CD9: variants seen among roughly 807,000 people sequenced by gnomAD.
CD9 encodes the protein CD9 molecule, also known as CD9 antigen.
A neutral mutation model predicts 31.4 loss-of-function variants in CD9; 10 were observed. The observed-to-expected ratio is 0.32, with a 90% CI of 0.20 to 0.54. The LOEUF (loss-of-function observed/expected upper bound fraction) is 0.54, where lower values mean the gene tolerates loss of function less well. Among genes scored for constraint, CD9 ranks in the 20% least tolerant of loss-of-function variants. The probability of loss-of-function intolerance (pLI) is 0.94; values close to 1 mark genes in which losing one functional copy is unlikely to be tolerated. For missense variants in CD9, 259 were observed against 300.1 expected, an observed-to-expected ratio of 0.86 and a Z score of 1.01; for synonymous variants, 113 against 114.1, an observed-to-expected ratio of 0.99 and a Z score of 0.06.
intron 2 of CD9, among the ~76,000 whole-genome samples, chr12:6,231,188 G>A (rs1476739265): frequency 2.6e-5 from 4 of 152,204 alleles, no homozygotes; most frequent in Admixed American, 6.5e-5. Context: ...GGATACAGCA[G>A]CAGGTTAAAA....
intron 1 of CD9, among the ~76,000 whole-genome samples, chr12:6,218,088 G>C (rs372978771): frequency 2.6e-5 from 4 of 152,108 alleles, no homozygotes; most frequent in Admixed American, 6.5e-5. Flanking sequence ...TTAGCTGGGC[G>C]TGGTGGTGCA....
chr12:6,219,775 G>A (rs545577248), intron 1 of CD9, among the ~76,000 whole-genome samples: 2 of 152,368 alleles, frequency 1.3e-5, no homozygotes, highest in East Asian at 3.8e-4. Context: ...AAGAGCCACT[G>A]CGCCTGGCCT....
At chr12:6,214,387 C>T (rs963052171) in intron 1 of CD9, among the ~76,000 whole-genome samples, 8 of 117,384 alleles carry the variant, frequency 6.8e-5, no homozygotes, top group Admixed American at 2.5e-4. Context: ...GTCTCTGTCA[C>T]CCAGGCTGGA....
In CD9 at chr12:6,237,818, A is replaced by G; in HGVS notation, c.677A>G (p.Glu226Gly). 6.2e-7 allele frequency: 1 copy of G among 1,612,230 alleles called. No homozygotes were observed. The highest frequency in any genetic ancestry group is 2.2e-5 in the East Asian group (1 of 44,884). ...ILCCAIRRNR[E>G]MV ...TGCTGTGCTATCCGCAGGAACCGCG[A>G]GATGGTCTAGAGTCAGCTTACATCC... The change falls in exon 8 of 8, where the codon GAG becomes GGG. Residue 226 changes from glutamate (E) to glycine (G), a missense_variant. Glu to Gly is a moderately conservative substitution (Grantham distance 98, BLOSUM62 -2). Transcript: ENST00000009180.
intron 2 of CD9, among the ~76,000 whole-genome samples, chr12:6,227,797 C>A (rs1018613131): frequency 2.6e-5 from 4 of 152,190 alleles, no homozygotes; most frequent in Non-Finnish European, 1.5e-5. Context: ...GCCCCATTGG[C>A]AGGGATGGGG....
At chr12:6,227,204 T>A (rs936686985) in intron 2 of CD9, among the ~76,000 whole-genome samples, 1 of 150,616 alleles carries the variant, frequency 6.6e-6, no homozygotes, top group Non-Finnish European at 1.5e-5. Context: ...TTATTTTTTT[T>A]ATTTTTTTTT....
At position 6,201,377 on chromosome 12, in the gene CD9, C is replaced by T. The variant is rs192715024; in HGVS notation, c.66+812C>T. Among the ~76,000 whole-genome samples, 512 of 152,322 alleles carry T rather than the reference C, an allele frequency of 3.4e-3. 4 individuals are homozygous for T. Among genetic ancestry groups the T allele is most frequent in the African/African-American group, 0.011 (456 of 41,568 alleles). ...GGGATGAGTCCTGTGTGTGCATTTC[C>T]GGGAGAGATCAGGTGCCAGCCAGCT... On this transcript the variant is annotated intron_variant, in intron 1 of 7. Transcript: ENST00000009180.
In CD9 at chr12:6,235,618, C is replaced by G. The variant is rs764906784; in HGVS notation, c.537+53C>G. 3 of 1,541,380 alleles carry G rather than the reference C, an allele frequency of 1.9e-6. No individual in the cohort carries two copies. In the Admixed American group the frequency reaches 5.8e-5, roughly 30 times the overall value. Reference sequence around the variant, plus strand: ...CCTGCCCCCATTGCTCTGGACAAACCCTGCAAGCATGAAAGTGACAGCAGC... The same window carrying G: ...CCTGCCCCCATTGCTCTGGACAAACGCTGCAAGCATGAAAGTGACAGCAGC... On this transcript the variant is annotated intron_variant, in intron 6 of 7. Coordinates refer to ENST00000009180, the MANE Select transcript of CD9 (RefSeq NM_001769.4).
chr12:6,201,062 C>G (rs997166531), intron 1 of CD9: 2 of 152,722 alleles, frequency 1.3e-5, no homozygotes, highest in African/African-American at 4.8e-5. Flanking sequence ...AGAGCTCAGC[C>G]AAGAGCGGCT....
chr12:6,231,600 T>A (rs1175731968), intron 2 of CD9, among the ~76,000 whole-genome samples: 1 of 152,200 alleles, frequency 6.6e-6, no homozygotes, highest in African/African-American at 2.4e-5. Context: ...GGGCATTCCT[T>A]TGGTGGGTTG....
At chr12:6,225,282 T>C (rs948152644) in intron 1 of CD9, 144 bp from the exon 2 acceptor site, 2 of 634,812 alleles carry the variant, frequency 3.2e-6, no homozygotes, top group African/African-American at 3.6e-5. Flanking sequence ...CACCCCGTAA[T>C]GGCATCTACA....
chr12:6,223,510 C>A (rs933378674), intron 1 of CD9, among the ~76,000 whole-genome samples: 10 of 152,160 alleles, frequency 6.6e-5, no homozygotes, highest in African/African-American at 2.4e-4. Context: ...ATCCACCCGC[C>A]TCAGCCTTCC....
At chr12:6,222,932 TG>T (rs1286101752) in intron 1 of CD9, among the ~76,000 whole-genome samples, 2 of 152,102 alleles carry the variant, frequency 1.3e-5, no homozygotes, top group Non-Finnish European at 2.9e-5. Flanking sequence ...AGATAAGGGG[TG>T]GGGTCATAAC....
chr12:6,222,909 C>G (rs1319792171), intron 1 of CD9, among the ~76,000 whole-genome samples: 1 of 152,170 alleles, frequency 6.6e-6, no homozygotes, highest in Non-Finnish European at 1.5e-5. Flanking sequence ...TTCTGCGACT[C>G]AGTTTTCCCA....
intron 1 of CD9, among the ~76,000 whole-genome samples, chr12:6,224,214 C>G (rs1338889157): frequency 6.6e-6 from 1 of 152,192 alleles, no homozygotes; most frequent in Non-Finnish European, 1.5e-5. Context: ...ATTCTTTAGC[C>G]ATACCTAAAA....
intron 1 of CD9, among the ~76,000 whole-genome samples, chr12:6,223,956 C>T: frequency 6.6e-6 from 1 of 152,202 alleles, no homozygotes; most frequent in East Asian, 1.9e-4. Context: ...CTCTCAAATT[C>T]TTGTGCCTGT....
chr12:6,202,236 T>C (rs755912161), intron 1 of CD9, among the ~76,000 whole-genome samples: 1 of 152,118 alleles, frequency 6.6e-6, no homozygotes, highest in Admixed American at 6.5e-5. Flanking sequence ...GAGGACGGCA[T>C]ATAGGTGTGC....
Position 6,222,544 on chromosome 12 carries a change from G to A in CD9, c.67-2882G>A, listed in dbSNP as rs1025428105. Among the ~76,000 whole-genome samples the A allele has an allele frequency of 2.0e-5, 3 of 152,172 alleles. 1 individual carries two copies. The highest frequency in any genetic ancestry group is 2.0e-4 in the Admixed American group (3 of 15,278). On this transcript the variant is annotated intron_variant, in intron 1 of 7. Coordinates refer to ENST00000009180, the MANE Select transcript of CD9 (RefSeq NM_001769.4). ...TTTAAGGTGGGGTCCGAATGCGGGG[G>A]ACTCCCGACTCCGGGCTTGGCCTGG...
At chr12:6,201,472 G>A (rs1156499389) in intron 1 of CD9, among the ~76,000 whole-genome samples, 2 of 152,240 alleles carry the variant, frequency 1.3e-5, no homozygotes, top group Admixed American at 6.5e-5. Context: ...CCCAAGGCCA[G>A]GCAGGGCGCA....
Sources: allele counts gnomAD v4.1 joint callset (sites outside exome capture counted in the v4.1 genomes callset), GRCh38; gene constraint gnomAD v4.1.1; transcripts MANE v1.5; gene names NCBI Gene and HGNC (gene_info 2026-07-23, HGNC 2026-07-21).